SNED1: variants seen among roughly 807,000 people sequenced by gnomAD.
SNED1 encodes the protein sushi, nidogen and EGF like domains 1.
Under a neutral mutation model 166.7 loss-of-function variants are expected in SNED1, and 81 were observed. The ratio of observed to expected loss-of-function variants is 0.49; its 90% confidence interval spans 0.41 to 0.58. The LOEUF is 0.58. SNED1 is among the 20% of genes least tolerant of loss of function. The pLI is 0.00. For synonymous variants in SNED1, 762 were observed against 822.0 expected (o/e 0.93, Z 1.25); for missense variants, 1,604 against 2,000.2 (o/e 0.80, Z 3.78).
At chr2:241,039,509 C>A in intron 6 of SNED1, among the ~76,000 whole-genome samples, 1 of 152,228 alleles carries the variant, frequency 6.6e-6, no homozygotes, top group South Asian at 2.1e-4. Flanking sequence ...GTGCTCTGGA[C>A]TCAAGGAGGG....
chr2:241,061,097 A>G (rs1254994393), intron 16 of SNED1, among the ~76,000 whole-genome samples: 2 of 152,208 alleles, frequency 1.3e-5, no homozygotes, highest in African/African-American at 4.8e-5. Context: ...CATAAACCTT[A>G]AGAAAGTGAA....
intron 12 of SNED1, 124 bp downstream of exon 12, chr2:241,050,057 C>T: frequency 2.7e-6 from 2 of 753,078 alleles, no homozygotes; most frequent in Admixed American, 2.0e-5. Flanking sequence ...TAGAGCCTTG[C>T]CTGATGTGCT....
intron 8 of SNED1, among the ~76,000 whole-genome samples, chr2:241,043,896 C>A (rs1208229987): frequency 6.6e-6 from 1 of 152,116 alleles, no homozygotes; most frequent in Non-Finnish European, 1.5e-5. Context: ...AAGATTTGGT[C>A]TGTGGGTTAT....
chr2:241,063,520 A>C, intron 17 of SNED1, 67 bp from the exon 18 acceptor site: 1 of 1,009,124 alleles, frequency 9.9e-7, no homozygotes, highest in Non-Finnish European at 1.5e-6. Context: ...AATGCACGGA[A>C]TCCTGGGGGC....
At chr2:241,080,315 T>C (rs747790899) in intron 27 of SNED1, among the ~76,000 whole-genome samples, 10 of 152,218 alleles carry the variant, frequency 6.6e-5, no homozygotes, top group Non-Finnish European at 1.3e-4. Context: ...GTTTGTCTTT[T>C]GATTCTGTTA....
At chr2:241,039,425 CAG>C (rs1491104364) in intron 6 of SNED1, among the ~76,000 whole-genome samples, 2 of 152,154 alleles carry the variant, frequency 1.3e-5, no homozygotes, top group Non-Finnish European at 2.9e-5. Context: ...GTCAGTAAGA[CAG>C]GGGATGTGGT....
Position 241,064,815 on chromosome 2 carries a change from A to G in SNED1, c.2600-29A>G. 6.6e-7 allele frequency: 1 copy of G among 1,523,150 alleles called. No homozygotes were observed. 94.4% of individuals were successfully genotyped at this position (1,523,150 alleles called of 1,614,324 possible). Reference sequence around the variant, plus strand: ...AGCAGGGACCCCTGGCCACGCCCCAACATACACTGCCACTTTTTCTCCCCT... The same window carrying G: ...AGCAGGGACCCCTGGCCACGCCCCAGCATACACTGCCACTTTTTCTCCCCT... On this transcript the variant is annotated intron_variant, in intron 19 of 31. Coordinates refer to ENST00000310397, the MANE Select transcript of SNED1 (RefSeq NM_001080437.3). This position sits in a 1 kb window ranked among gnomAD's most constrained non-coding sequence, Gnocchi z 7.0.
chr2:241,054,403 A>G (rs2061981629), intron 16 of SNED1, among the ~76,000 whole-genome samples: 1 of 152,222 alleles, frequency 6.6e-6, no homozygotes, highest in Non-Finnish European at 1.5e-5. Flanking sequence ...CCTCATCTCT[A>G]CAAAAAAATT....
intron 29 of SNED1, among the ~76,000 whole-genome samples, chr2:241,083,909 G>GTTTTCTATTTTTCCCACCTTTT (rs141463303): frequency 0.074 from 11,157 of 151,620 alleles, 443 homozygotes; most frequent in East Asian, 0.12. Context: ...ATTACTATTT[G>GTTTTCTATTTTTCCCACCTTTT]TTTTCTATTT....
In SNED1 at chr2:241,065,603, T is replaced by A; in HGVS notation, c.3010+8T>A. 1 of 1,608,194 alleles carries A rather than the reference T, an allele frequency of 6.2e-7. No individual in the cohort carries two copies. The highest frequency in any genetic ancestry group is 8.5e-7 in the Non-Finnish European group (1 of 1,178,414). ...TGCTGCTGGCCCGCACGCGTGAGTG[T>A]CCCCGAGCCTGGCCGTCCCTGCCCA... On this transcript the variant is annotated splice_region_variant and intron_variant, in intron 21 of 31. Transcript: ENST00000310397.
At chr2:241,033,502 C>T in intron 2 of SNED1, 1 of 513,658 alleles carries the variant, frequency 1.9e-6, no homozygotes, top group Non-Finnish European at 3.4e-6. Flanking sequence ...TTCACTCACC[C>T]CAGCAATAGT....
intron 1 of SNED1, among the ~76,000 whole-genome samples, chr2:241,024,170 C>T (rs1335219478): frequency 1.3e-5 from 2 of 150,038 alleles, no homozygotes; most frequent in Non-Finnish European, 3.0e-5. Context: ...GCAGGAGCCA[C>T]CATGCCCAAC....
chr2:241,065,937 G>A (rs2062428359), intron 21 of SNED1, among the ~76,000 whole-genome samples: 1 of 152,022 alleles, frequency 6.6e-6, no homozygotes. Context: ...GGGAGACAGG[G>A]GCCGCGGGGG....
chr2:241,024,533 A>G (rs553375332), intron 1 of SNED1, among the ~76,000 whole-genome samples: 1 of 151,610 alleles, frequency 6.6e-6, no homozygotes, highest in Non-Finnish European at 1.5e-5. Context: ...GGTGTAAGCC[A>G]CCGCACCCAG....
At chr2:241,003,998 A>G (rs906445427) in intron 1 of SNED1, among the ~76,000 whole-genome samples, 11 of 152,248 alleles carry the variant, frequency 7.2e-5, no homozygotes, top group African/African-American at 2.7e-4. Flanking sequence ...CCTGGGCTGG[A>G]CAGGGCCAGG....
chr2:241,017,440 G>A (rs1183129883), intron 1 of SNED1, among the ~76,000 whole-genome samples: 1 of 152,250 alleles, frequency 6.6e-6, no homozygotes, highest in Non-Finnish European at 1.5e-5. Context: ...CTGTTCCATA[G>A]CAAGCCTGCT....
chr2:241,065,395 T>C lies in SNED1; in HGVS notation c.2810T>C (p.Met937Thr), dbSNP rs759277874. The C allele has an allele frequency of 1.4e-5, 23 of 1,613,114 alleles. No individual in the cohort carries two copies. Among genetic ancestry groups the C allele is most frequent in the Non-Finnish European group, 1.9e-5 (22 of 1,179,882 alleles). The change falls in exon 21 of 32, where the codon ATG becomes ACG. Residue 937 changes from methionine to threonine, a missense_variant. Transcript: ENST00000310397. ...NPPNGPAARQ[M>T]LDGYAVTYVS... ...CCCAATGGTCCAGCCGCCAGGCAGA[T>C]GCTTGATGGCTACGCGGTCACCTAC...
At chr2:241,023,038 T>G (rs2060816423) in intron 1 of SNED1, among the ~76,000 whole-genome samples, 1 of 152,116 alleles carries the variant, frequency 6.6e-6, no homozygotes, top group East Asian at 1.9e-4. Flanking sequence ...TTATTCAGTA[T>G]TTTTCTATTT....
chr2:241,020,228 C>A (rs1174752578), intron 1 of SNED1, among the ~76,000 whole-genome samples: 1 of 152,248 alleles, frequency 6.6e-6, no homozygotes, highest in South Asian at 2.1e-4. Flanking sequence ...TTTGCAACAA[C>A]CAAAATTCAG....
Sources: gnomAD v4.1 joint callset for allele counts (sites outside exome capture counted in the v4.1 genomes callset) on GRCh38, gnomAD v4.1.1 for gene constraint, Gnocchi (gnomAD v3.1) non-coding constraint, MANE v1.5 for transcripts, NCBI Gene and HGNC (gene_info 2026-07-23, HGNC 2026-07-21) for gene names.